Variants in ENTREP1 observed in about 807,000 individuals in gnomAD.
ENTREP1 encodes the protein Friedreich ataxia region gene X123.
chr9:69,326,993 C>T, the ENTREP1 span, among the ~76,000 whole-genome samples: 1 of 126,482 alleles, frequency 7.9e-6, no homozygotes, highest in East Asian at 2.4e-4. Flanking sequence ...ACACATACTG[C>T]AATTCAAGAC....
At chr9:69,365,789 G>A in the ENTREP1 span, among the ~76,000 whole-genome samples, 2 of 152,016 alleles carry the variant, frequency 1.3e-5, no homozygotes, top group East Asian at 1.9e-4. Context: ...TTATCTTTCT[G>A]TGCCTGGCTT....
At chr9:69,340,523 T>C in the ENTREP1 span, among the ~76,000 whole-genome samples, 8 of 152,164 alleles carry the variant, frequency 5.3e-5, no homozygotes, top group Non-Finnish European at 4.4e-5. Context: ...AATGATAATA[T>C]TGGAAAATAG....
the ENTREP1 span, chr9:69,375,914 C>G: frequency 6.4e-7 from 1 of 1,561,704 alleles, no homozygotes; most frequent in Non-Finnish European, 8.7e-7. Flanking sequence ...ACGGAGCCCC[C>G]AAAGAAGGCA....
chr9:69,341,571 T>C, the ENTREP1 span, among the ~76,000 whole-genome samples: 1 of 152,178 alleles, frequency 6.6e-6, no homozygotes, highest in Non-Finnish European at 1.5e-5. Context: ...TAGGAATTTT[T>C]CATCTTATTG....
the ENTREP1 span, among the ~76,000 whole-genome samples, chr9:69,339,337 G>A: frequency 6.6e-6 from 1 of 152,094 alleles, no homozygotes; most frequent in African/African-American, 2.4e-5. Context: ...AATCTTAGTA[G>A]TATACCATTA....
At chr9:69,340,747 TTGTG>T in the ENTREP1 span, among the ~76,000 whole-genome samples, 21 of 26,782 alleles carry the variant, frequency 7.8e-4, 1 homozygote, top group South Asian at 3.6e-3. Context: ...GTGTGTGTGT[TTGTG>T]TGTGTGCGTG....
the ENTREP1 span, among the ~76,000 whole-genome samples, chr9:69,340,569 AAG>A: frequency 6.6e-6 from 1 of 151,598 alleles, no homozygotes; most frequent in Non-Finnish European, 1.5e-5. Flanking sequence ...GGCTATGACT[AAG>A]AATAAGCTAG....
the ENTREP1 span, chr9:69,380,061 TAGAA>T: frequency 1.3e-5 from 2 of 152,216 alleles, no homozygotes; most frequent in Non-Finnish European, 1.5e-5. Context: ...CAAAACTTTC[TAGAA>T]AGAAGGCCGA....
the ENTREP1 span, chr9:69,385,778 T>C: frequency 7.3e-7 from 1 of 1,367,374 alleles, no homozygotes; most frequent in Non-Finnish European, 9.4e-7. Context: ...TTTTTTTTTT[T>C]TTTTTTTTTA....
chr9:69,346,939 A>C, the ENTREP1 span, among the ~76,000 whole-genome samples: 1 of 152,230 alleles, frequency 6.6e-6, no homozygotes, highest in South Asian at 2.1e-4. Flanking sequence ...GGAAAAGGGG[A>C]AGTATTTAAA....
chr9:69,348,835 A>G, the ENTREP1 span, among the ~76,000 whole-genome samples: 1 of 152,180 alleles, frequency 6.6e-6, no homozygotes, highest in African/African-American at 2.4e-5. Context: ...ATATGGATAT[A>G]TCACATTTTA....
chr9:69,378,248 G>C, the ENTREP1 span, among the ~76,000 whole-genome samples: 1 of 151,998 alleles, frequency 6.6e-6, no homozygotes, highest in African/African-American at 2.4e-5. Flanking sequence ...ACCATCAGCA[G>C]GTCTCAACAA....
At chr9:69,379,637 A>G in the ENTREP1 span, 1 of 152,236 alleles carries the variant, frequency 6.6e-6, no homozygotes, top group Non-Finnish European at 1.5e-5. Context: ...GGCTGTCTGT[A>G]GAGGGTACAT....
chr9:69,348,612 A>G, the ENTREP1 span, among the ~76,000 whole-genome samples: 10 of 152,194 alleles, frequency 6.6e-5, no homozygotes, highest in Non-Finnish European at 1.2e-4. Context: ...TCCTCTCAAT[A>G]CCTTCAGCCT....
the ENTREP1 span, chr9:69,336,173 T>G: frequency 9.5e-7 from 1 of 1,057,828 alleles, no homozygotes; most frequent in Non-Finnish European, 1.4e-6. Context: ...TTTATTGGAA[T>G]TGGTCCATTT....
the ENTREP1 span, chr9:69,324,712 T>C: frequency 2.0e-6 from 2 of 984,286 alleles, no homozygotes; most frequent in South Asian, 9.4e-5. Flanking sequence ...CCTCTTCCCA[T>C]CGAGTCGCCC....
the ENTREP1 span, among the ~76,000 whole-genome samples, chr9:69,377,167 A>G: frequency 6.6e-6 from 1 of 152,228 alleles, no homozygotes; most frequent in East Asian, 1.9e-4. Flanking sequence ...AGAAGTACAC[A>G]TTATTGCATG....
chr9:69,371,893 A>G, the ENTREP1 span, among the ~76,000 whole-genome samples: 1 of 152,248 alleles, frequency 6.6e-6, no homozygotes, highest in African/African-American at 2.4e-5. Context: ...ACAATCAATC[A>G]GTCTCTGACT....
the ENTREP1 span, among the ~76,000 whole-genome samples, chr9:69,361,938 C>A: frequency 6.6e-6 from 1 of 152,112 alleles, no homozygotes. Flanking sequence ...TTCTCTCTAT[C>A]CTTAAGGATT....
Sources: gnomAD v4.1 joint callset for allele counts (sites outside exome capture counted in the v4.1 genomes callset) on GRCh38, gnomAD v4.1.1 for gene constraint, MANE v1.5 for transcripts, NCBI Gene and HGNC (gene_info 2026-07-23, HGNC 2026-07-21) for gene names.